Variants in KREMEN1 observed in about 807,000 individuals in gnomAD.
KREMEN1 encodes the protein kremen protein 1.
In KREMEN1, 30 loss-of-function variants were observed where a neutral mutation model predicts 46.5. The ratio of observed to expected loss-of-function variants is 0.65; its 90% CI spans 0.48 to 0.88. KREMEN1 has a LOEUF of 0.88. Among genes scored for constraint, KREMEN1 ranks in the 40% least tolerant of loss-of-function variants. The pLI is 0.00. For missense variants in KREMEN1, 533 were observed against 596.9 expected (o/e 0.89, Z 1.11); for synonymous variants, 214 against 230.6 (o/e 0.93, Z 0.65).
At chr22:29,141,225 T>TTG (rs1343627855) in intron 8 of KREMEN1, among the ~76,000 whole-genome samples, 1 of 80,478 alleles carries the variant, frequency 1.2e-5, no homozygotes, top group African/African-American at 4.8e-5. Flanking sequence ...AATAATGTCC[T>TTG]CGTGTGTGTG....
At chr22:29,109,074 G>A (rs1156893062) in intron 3 of KREMEN1, among the ~76,000 whole-genome samples, 1 of 152,146 alleles carries the variant, frequency 6.6e-6, no homozygotes, top group African/African-American at 2.4e-5. Context: ...CCAGGTGTGA[G>A]CCACTCTGCC....
chr22:29,140,485 GT>G, intron 8 of KREMEN1, 119 bp downstream of exon 8: 1 of 743,948 alleles, frequency 1.3e-6, no homozygotes, highest in South Asian at 1.6e-5. Context: ...AAAGCCCTCA[GT>G]CCTAGGGAAC....
intron 5 of KREMEN1, among the ~76,000 whole-genome samples, chr22:29,126,734 G>C (rs113604621): frequency 2.0e-5 from 3 of 152,312 alleles, no homozygotes; most frequent in African/African-American, 7.2e-5. Context: ...TTATAGCTTA[G>C]ATATTATCTA....
intron 9 of KREMEN1, among the ~76,000 whole-genome samples, chr22:29,159,125 T>TTTTG (rs1491372479): frequency 7.8e-4 from 24 of 30,860 alleles, no homozygotes; most frequent in African/African-American, 1.5e-3. Flanking sequence ...CAGCCAAGTG[T>TTTTG]TTTTTTTTTT....
chr22:29,083,481 T>C (rs911968314), intron 1 of KREMEN1, among the ~76,000 whole-genome samples: 5 of 152,202 alleles, frequency 3.3e-5, no homozygotes, highest in African/African-American at 1.2e-4. Flanking sequence ...ATGGTTGTGA[T>C]ACGAGAAAGG....
chr22:29,167,166 G>A, exon 10 of KREMEN1: 1 of 1,334,050 alleles, frequency 7.5e-7, no homozygotes, highest in Non-Finnish European at 1.1e-6. Context: ...GGGCAGAGGG[G>A]ACACCTTCAT....
chr22:29,076,875 G>A (rs134599), intron 1 of KREMEN1, among the ~76,000 whole-genome samples: 97,631 of 152,070 alleles, frequency 0.64, 31,551 homozygotes, highest in Middle Eastern at 0.78. Flanking sequence ...TAAATAAAAA[G>A]TATTTGAGAT....
At chr22:29,087,979 G>A (rs148983136) in intron 1 of KREMEN1, among the ~76,000 whole-genome samples, 1 of 152,094 alleles carries the variant, frequency 6.6e-6, no homozygotes, top group Non-Finnish European at 1.5e-5. Flanking sequence ...ATTAACTTGT[G>A]TTTTCCTCAC....
intron 3 of KREMEN1, among the ~76,000 whole-genome samples, chr22:29,120,882 A>G (rs577225514): frequency 1.3e-5 from 2 of 152,244 alleles, no homozygotes; most frequent in South Asian, 2.1e-4. Flanking sequence ...AGCAATAAGG[A>G]ACTAATATAT....
rs964726049 is a variant in KREMEN1 at position 29,105,283 on chromosome 22, A to T, written c.352+6330A>T. On this transcript the variant is annotated intron_variant, in intron 3 of 8. Transcript: ENST00000400335. ...GGATCTTATTAAAATACAGATTCTT[A>T]TCAGTATGTCTAGAACAGACCCGTT... 3.0e-4 allele frequency among the ~76,000 whole-genome samples: 45 copies of T among 151,788 alleles called. 2 individuals are homozygous for T. Among genetic ancestry groups the T allele is most frequent in the Admixed American group, 6.6e-5 (1 of 15,236 alleles).
chr22:29,133,554 A>T (rs1243123013), intron 5 of KREMEN1, among the ~76,000 whole-genome samples: 1 of 151,660 alleles, frequency 6.6e-6, no homozygotes, highest in Non-Finnish European at 1.5e-5. Context: ...TCCTGCCTTA[A>T]CCTCCCAAAG....
intron 5 of KREMEN1, among the ~76,000 whole-genome samples, chr22:29,133,592 T>TGGC (rs2038602949): frequency 6.6e-6 from 1 of 152,180 alleles, no homozygotes; most frequent in Non-Finnish European, 1.5e-5. Context: ...TGAGCCACCA[T>TGGC]GCCCAGACTG....
chr22:29,086,293 G>C (rs1365653718), intron 1 of KREMEN1, among the ~76,000 whole-genome samples: 1 of 152,128 alleles, frequency 6.6e-6, no homozygotes, highest in Non-Finnish European at 1.5e-5. Flanking sequence ...ATGTCTGAGT[G>C]GTTTGTTCAA....
chr22:29,129,160 A>G (rs1411904179), intron 5 of KREMEN1, among the ~76,000 whole-genome samples: 1 of 152,130 alleles, frequency 6.6e-6, no homozygotes, highest in Non-Finnish European at 1.5e-5. Flanking sequence ...TGAGAAAGGT[A>G]CAAAATGCAG....
chr22:29,093,423 T>C (rs1844104041), intron 1 of KREMEN1, among the ~76,000 whole-genome samples: 1 of 152,256 alleles, frequency 6.6e-6, no homozygotes, highest in African/African-American at 2.4e-5. Flanking sequence ...GCCTGTCTCA[T>C]GAACCTCTTC....
At chr22:29,079,905 A>G (rs922738466) in intron 1 of KREMEN1, among the ~76,000 whole-genome samples, 8 of 152,334 alleles carry the variant, frequency 5.3e-5, no homozygotes, top group African/African-American at 1.4e-4. Flanking sequence ...CTGTTGTTCA[A>G]TCTATAAAAA....
chr22:29,081,599 C>T (rs1376199683), intron 1 of KREMEN1, among the ~76,000 whole-genome samples: 2 of 152,146 alleles, frequency 1.3e-5, no homozygotes, highest in African/African-American at 2.4e-5. Context: ...ACTATTTGCT[C>T]TTATTCTTAT....
chr22:29,164,746 C>CAAAA lies in KREMEN1; in HGVS notation c.1417-2291_1417-2288dup, dbSNP rs34444682. 1.5e-4 allele frequency among the ~76,000 whole-genome samples: 10 copies of CAAAA among 68,528 alleles called. 1 individual carries two copies. Among genetic ancestry groups the CAAAA allele is most frequent in the South Asian group, 5.4e-4 (1 of 1,840 alleles). The allele number at this position is 68,528 out of a possible 152,430, so 45.0% of individuals were successfully genotyped here. ...GGGCTACAAGAGTGAAACTCCATCT[C>CAAAA]AAAAAAAAAACAAAAAAAAAAACCC... is the stretch of plus-strand genomic sequence containing the variant. On this transcript the variant is annotated intron_variant, in intron 9 of 9. Coordinates refer to the KREMEN1 transcript ENST00000327813.
rs79491675 is a variant in KREMEN1 at position 29,152,906 on chromosome 22, G to A, written c.1416+10806G>A. Reference sequence around the variant, plus strand: ...ATTAAGAAAGTAAAGGAATAAAGGAGGGCTACTCCATAGGGAGAGCAGCGG... The same window carrying A: ...ATTAAGAAAGTAAAGGAATAAAGGAAGGCTACTCCATAGGGAGAGCAGCGG... On this transcript the variant is annotated intron_variant, in intron 9 of 9. Coordinates refer to the KREMEN1 transcript ENST00000327813. Among the ~76,000 whole-genome samples the A allele has an allele frequency of 7.5e-3, 1,148 of 152,310 alleles. 14 individuals are homozygous for A. Among genetic ancestry groups the A allele is most frequent in the African/African-American group, 0.026 (1,070 of 41,562 alleles).
Sources: allele counts gnomAD v4.1 joint callset (sites outside exome capture counted in the v4.1 genomes callset), GRCh38; gene constraint gnomAD v4.1.1; transcripts MANE v1.5; gene names NCBI Gene and HGNC (gene_info 2026-07-23, HGNC 2026-07-21).